Variants in AGAP3 observed in about 807,000 individuals in gnomAD.
The protein encoded by AGAP3 is ArfGAP with GTPase domain, ankyrin repeat and PH domain 3.
In AGAP3, 24 loss-of-function variants were observed where a neutral mutation model predicts 96.9. That is an observed-to-expected ratio of 0.25 (90% CI 0.18 to 0.35). The LOEUF (loss-of-function observed/expected upper bound fraction) is 0.35. Ranked by LOEUF, AGAP3 falls within the 10% of genes least tolerant of loss-of-function variation. The pLI, the probability that AGAP3 is intolerant of heterozygous loss-of-function variation, is 1.00. For synonymous variants in AGAP3, 563 were observed against 536.1 expected (o/e 1.05, Z -0.69); for missense variants, 876 against 1,254.2 (o/e 0.70, Z 4.55).
At chr7:151,124,967 G>A (rs1800095034) in intron 9 of AGAP3, among the ~76,000 whole-genome samples, 1 of 152,212 alleles carries the variant, frequency 6.6e-6, no homozygotes, top group South Asian at 2.1e-4. Context: ...CCAGACTACT[G>A]GAGGGCCCCC....
chr7:151,100,067 C>T (rs955813882), intron 1 of AGAP3, among the ~76,000 whole-genome samples: 1 of 152,164 alleles, frequency 6.6e-6, no homozygotes, highest in Non-Finnish European at 1.5e-5. Context: ...TTGTGAATGT[C>T]GGGAAGGACC....
chr7:151,093,848 C>T (rs553207084), intron 1 of AGAP3, among the ~76,000 whole-genome samples: 20 of 152,210 alleles, frequency 1.3e-4, no homozygotes, highest in Non-Finnish European at 2.4e-4. Flanking sequence ...GGTGCGTCTT[C>T]TGAGAGTCAC....
chr7:151,097,081 G>A (rs541634997), intron 1 of AGAP3, among the ~76,000 whole-genome samples: 14 of 152,204 alleles, frequency 9.2e-5, no homozygotes, highest in African/African-American at 3.4e-4. Flanking sequence ...GAGCCACCGC[G>A]CCCGGCCTGA....
At chr7:151,095,606 C>T (rs1379373706) in intron 1 of AGAP3, among the ~76,000 whole-genome samples, 1 of 142,304 alleles carries the variant, frequency 7.0e-6, no homozygotes, top group Middle Eastern at 3.7e-3. Context: ...CCTTCCTGGG[C>T]CTGGGTTTTT....
At chr7:151,134,743 G>A (rs1044082948) in intron 11 of AGAP3, among the ~76,000 whole-genome samples, 175 bp downstream of exon 11, 1 of 152,252 alleles carries the variant, frequency 6.6e-6, no homozygotes, top group Non-Finnish European at 1.5e-5. Context: ...GGAGTTAGTT[G>A]AGGTGACAGC....
At chr7:151,122,082 C>T (rs4725995) in intron 8 of AGAP3, among the ~76,000 whole-genome samples, 39,206 of 152,106 alleles carry the variant, frequency 0.26, 5,414 homozygotes, top group Middle Eastern at 0.32. Flanking sequence ...CTCTGGTGGT[C>T]GGGGCCTCTT....
chr7:151,131,960 T>C (rs1006170877), intron 10 of AGAP3, among the ~76,000 whole-genome samples: 1 of 152,190 alleles, frequency 6.6e-6, no homozygotes, highest in African/African-American at 2.4e-5. Context: ...GACTGCTGTC[T>C]GTAGTAGCCG....
chr7:151,105,738 G>A (rs1157387662), intron 1 of AGAP3, among the ~76,000 whole-genome samples: 1 of 142,246 alleles, frequency 7.0e-6, no homozygotes, highest in African/African-American at 2.7e-5. Flanking sequence ...CTGCACTCCG[G>A]CCTGGGGAAC....
chr7:151,117,275 C>T, intron 3 of AGAP3, 93 bp downstream of exon 3: 2 of 1,590,704 alleles, frequency 1.3e-6, no homozygotes, highest in Non-Finnish European at 1.7e-6. Context: ...AGCCCCCTTC[C>T]AGTCCTCTTC....
Position 151,117,359 on chromosome 7 carries a change from G to T in AGAP3, c.479-12G>T, listed in dbSNP as rs753462151. On this transcript the variant is annotated splice_polypyrimidine_tract_variant and intron_variant, in intron 3 of 17. Coordinates refer to ENST00000397238, the MANE Select transcript of AGAP3 (RefSeq NM_031946.7). ...CTCCACACTTTGGACCTGACTGCGC[G>T]CTCTGTCCTAGGGGGGCGGTTTAAG... 6.2e-7 allele frequency: 1 copy of T among 1,614,076 alleles called. No homozygotes were observed. The highest frequency in any genetic ancestry group is 2.2e-5 in the East Asian group (1 of 44,888).
chr7:151,125,281 C>T (rs1036068468), intron 9 of AGAP3, among the ~76,000 whole-genome samples: 3 of 152,242 alleles, frequency 2.0e-5, no homozygotes, highest in Admixed American at 6.5e-5. Context: ...TGGGGTCCTA[C>T]GTGCTCCCTT....
chr7:151,116,916 G>C (rs1799617966), intron 2 of AGAP3, 65 bp downstream of exon 2: 1 of 1,599,722 alleles, frequency 6.3e-7, no homozygotes, highest in African/African-American at 1.3e-5. Flanking sequence ...GGTGCCGCGG[G>C]CCTGGGCCTT....
At chr7:151,121,839 C>G (rs993724582) in intron 8 of AGAP3, among the ~76,000 whole-genome samples, 7 of 152,244 alleles carry the variant, frequency 4.6e-5, no homozygotes, top group Admixed American at 2.0e-4. Flanking sequence ...GACCTCCCCT[C>G]TCATCATTGC....
intron 8 of AGAP3, among the ~76,000 whole-genome samples, chr7:151,121,780 G>A (rs548369705): frequency 1.3e-5 from 2 of 152,216 alleles, no homozygotes; most frequent in South Asian, 4.1e-4. Flanking sequence ...TTGCACCATT[G>A]TCCCTGAGAC....
At position 151,123,777 on chromosome 7, in the gene AGAP3, C is replaced by T; in HGVS notation, c.1129-17C>T. The T allele has an allele frequency of 6.2e-7, 1 of 1,613,090 alleles. No individual in the cohort carries two copies. Among genetic ancestry groups the T allele is most frequent in the Non-Finnish European group, 8.5e-7 (1 of 1,179,794 alleles). On this transcript the variant is annotated splice_polypyrimidine_tract_variant and intron_variant, in intron 8 of 17. Coordinates refer to ENST00000397238, the MANE Select transcript of AGAP3 (RefSeq NM_031946.7). ...GACCCTGGGCCTCTTTAACACGCCTCTTGTTTTCTCTTCCAGTCTCGGAAG... is the reference window on the plus strand; with the variant it reads ...GACCCTGGGCCTCTTTAACACGCCTTTTGTTTTCTCTTCCAGTCTCGGAAG...
At chr7:151,121,827 G>A (rs1057084529) in intron 8 of AGAP3, among the ~76,000 whole-genome samples, 1 of 152,130 alleles carries the variant, frequency 6.6e-6, no homozygotes, top group African/African-American at 2.4e-5. Flanking sequence ...GGTGTATCTC[G>A]GGACCTCCCC....
intron 8 of AGAP3, chr7:151,123,270 ACT>A: frequency 9.6e-7 from 1 of 1,046,202 alleles, no homozygotes; most frequent in Non-Finnish European, 1.2e-6. Flanking sequence ...ATTCGGGTGG[ACT>A]CTGCCCCAGG....
chr7:151,126,480 G>C (rs776705427), intron 9 of AGAP3, among the ~76,000 whole-genome samples: 148 of 151,668 alleles, frequency 9.8e-4, no homozygotes, highest in Non-Finnish European at 1.8e-3. Flanking sequence ...CACGCCTAGT[G>C]GGGTGAGGGG....
chr7:151,117,019 T>C, intron 2 of AGAP3, 76 bp from the exon 3 acceptor site: 1 of 1,522,300 alleles, frequency 6.6e-7, no homozygotes, highest in Non-Finnish European at 9.1e-7. Context: ...CTCCTGCTGC[T>C]TCTTTGCTTT....
Sources: allele counts gnomAD v4.1 joint callset (sites outside exome capture counted in the v4.1 genomes callset), GRCh38; gene constraint gnomAD v4.1.1; transcripts MANE v1.5; gene names NCBI Gene and HGNC (gene_info 2026-07-23, HGNC 2026-07-21).